Variants in CDH26 observed in about 807,000 individuals in gnomAD.
CDH26 encodes the protein cadherin 26.
In CDH26, 83 loss-of-function variants were observed where a neutral mutation model predicts 90.3. That is an observed-to-expected ratio of 0.92 (90% CI 0.77 to 1.10). The LOEUF (loss-of-function observed/expected upper bound fraction) is 1.10. Ranked by LOEUF, CDH26 falls within the 50% of genes least tolerant of loss-of-function variation. CDH26 has a pLI of 0.00. For synonymous variants in CDH26, 397 were observed against 396.3 expected (o/e 1.00, Z -0.02); for missense variants, 1,013 against 1,037.6 (o/e 0.98, Z 0.33).
Position 59,996,016 on chromosome 20 carries a change from C to G in CDH26, c.1850C>G (p.Ala617Gly). ...ADAEVGLHVG[A>G]LFPVCAAFVA... ...GCAGAAGTGGGGCTTCATGTGGGGG[C>G]CCTGTTCCCTGTCTGTGCAGCATTT... The change falls in exon 12 of 18, where the codon GCC becomes GGC. Residue 617 changes from alanine (A) to glycine (G), a missense_variant. Transcript: ENST00000348616. 6.2e-7 allele frequency: 1 copy of G among 1,613,872 alleles called. No individual in the cohort carries two copies. The highest frequency in any genetic ancestry group is 8.5e-7 in the Non-Finnish European group (1 of 1,180,036).
chr20:60,020,541 T>C (rs1396305548), intron 7 of CDH26, among the ~76,000 whole-genome samples: 1 of 152,196 alleles, frequency 6.6e-6, no homozygotes, highest in Non-Finnish European at 1.5e-5. Context: ...GGGCCTGGAA[T>C]CTACACAGCT....
At position 59,975,455 on chromosome 20, in the gene CDH26, C is replaced by G. The variant is rs554239963; in HGVS notation, c.393+3332C>G. ...CCCTGCTGACTCCTCCATTTCAGCT[C>G]TAGCCTACAGAGCTGTGAGAGAATA... On this transcript the variant is annotated intron_variant, in intron 4 of 17. Coordinates refer to ENST00000348616, the MANE Select transcript of CDH26 (RefSeq NM_177980.4). 3.9e-5 allele frequency among the ~76,000 whole-genome samples: 6 copies of G among 152,302 alleles called. No individual in the cohort carries two copies. In the South Asian group the frequency reaches 1.2e-3, roughly 32 times the overall value.
chr20:60,006,653 G>A, intron 16 of CDH26, 60 bp from the exon 17 acceptor site: 2 of 1,235,290 alleles, frequency 1.6e-6, no homozygotes, highest in South Asian at 1.2e-5. Flanking sequence ...TGACACACAG[G>A]GGTTGGGGGG....
rs959256896 is a variant in CDH26, at chr20:60,030,234, C to G, written c.948-997C>G. Among the ~76,000 whole-genome samples, 1 of 152,136 alleles carries G rather than the reference C, an allele frequency of 6.6e-6. No individual in the cohort carries two copies. Among genetic ancestry groups the G allele is most frequent in the African/African-American group, 2.4e-5 (1 of 41,430 alleles). ...TGACTTCCCCAGTCTGGGCCTGTGT[C>G]TATTTGAAAAATTGAGGATTCATTT... On this transcript the variant is annotated intron_variant, in intron 7 of 8. Coordinates refer to the CDH26 transcript ENST00000370991. The surrounding 1 kb of genome is among the most constrained non-coding windows in gnomAD (Gnocchi z 4.0).
At chr20:60,018,631 A>G (rs1471865908), downstream of CDH26, among the ~76,000 whole-genome samples, 1 of 132,006 alleles carries the variant, frequency 7.6e-6, no homozygotes, top group Non-Finnish European at 1.6e-5. Context: ...TACTCCTGTC[A>G]TTTTATTGAT....
intron 15 of CDH26, chr20:60,001,737 C>A: frequency 1.6e-6 from 1 of 614,192 alleles, no homozygotes; most frequent in Non-Finnish European, 2.0e-6. Flanking sequence ...AAAAGCACAG[C>A]ACTTTGGCCC....
chr20:59,968,000 TTTCTTTC>T (rs2061195648), intron 1 of CDH26, among the ~76,000 whole-genome samples: 1 of 137,428 alleles, frequency 7.3e-6, no homozygotes, highest in Admixed American at 7.6e-5. Context: ...TCTTTCTTTC[TTTCTTTC>T]TTTCTTCCTT....
rs879634051 is a variant in CDH26 at position 59,958,519 on chromosome 20, A to G, written c.-208A>G. The G allele has an allele frequency of 1.1e-5, 7 of 611,492 alleles. No individual in the cohort carries two copies. The highest frequency in any genetic ancestry group is 2.7e-5 in the East Asian group (1 of 36,400). 37.9% of individuals were successfully genotyped at this position (611,492 alleles called of 1,614,324 possible). ...TTGTGGCAAACGTATGTTCAAGCTT[A>G]CAAGTCAGCCCACCCCACTCTGATA... On this transcript the variant is annotated 5_prime_UTR_variant, in exon 1 of 18. Transcript: ENST00000348616.
intron 1 of CDH26, among the ~76,000 whole-genome samples, chr20:59,967,740 T>C (rs2061168181): frequency 2.7e-5 from 4 of 149,598 alleles, no homozygotes; most frequent in African/African-American, 1.0e-4. Context: ...TTTCTTTCCT[T>C]CCTCCCTTCC....
At chr20:59,962,234 A>T (rs917206150) in intron 1 of CDH26, among the ~76,000 whole-genome samples, 1 of 152,224 alleles carries the variant, frequency 6.6e-6, no homozygotes, top group Non-Finnish European at 1.5e-5. Context: ...TGTGTTAGGA[A>T]CATATATTAG....
chr20:59,996,077 C>T (rs1404251725), intron 12 of CDH26, 23 bp downstream of exon 12: 1 of 1,602,506 alleles, frequency 6.2e-7, no homozygotes, highest in Non-Finnish European at 8.5e-7. Context: ...TAGGGGTGTC[C>T]TGGGACTGTG....
At chr20:59,972,209 A>G (rs1008613189) in intron 4 of CDH26, 86 bp downstream of exon 4, 1 of 1,282,024 alleles carries the variant, frequency 7.8e-7, no homozygotes, top group Non-Finnish European at 1.1e-6. Flanking sequence ...TAAGCTGACT[A>G]TGTGCCAGGT....
At chr20:59,990,088 G>A (rs1569042433) in intron 9 of CDH26, among the ~76,000 whole-genome samples, 1 of 152,106 alleles carries the variant, frequency 6.6e-6, no homozygotes, top group Non-Finnish European at 1.5e-5. Context: ...GATGACTCCA[G>A]GTCATCAAAG....
At chr20:59,973,534 C>A (rs947707380) in intron 4 of CDH26, among the ~76,000 whole-genome samples, 1 of 152,044 alleles carries the variant, frequency 6.6e-6, no homozygotes, top group African/African-American at 2.4e-5. Flanking sequence ...TTTTCCTGAT[C>A]CTCTCCCTCC....
At chr20:59,973,709 G>T (rs192918285) in intron 4 of CDH26, among the ~76,000 whole-genome samples, 1 of 152,302 alleles carries the variant, frequency 6.6e-6, no homozygotes, top group East Asian at 1.9e-4. Flanking sequence ...CCATGTTCCT[G>T]CAAAGGACAT....
At position 59,972,094 on chromosome 20, in the gene CDH26, G is replaced by A; in HGVS notation, c.364G>A (p.Val122Ile). ...ENGRIYVHRP[V>I]DREMTPSFTV... ...CGGAAGGATATATGTTCACCGCCCT[G>A]TCGATCGAGAAATGACACCATCTTT... Residue 122 changes from valine (V) to isoleucine (I), a missense_variant, in exon 4 of 18, where the codon GTC (valine) becomes ATC (isoleucine). By Grantham distance (29) the Val-to-Ile change is conservative. Coordinates refer to ENST00000348616, the MANE Select transcript of CDH26 (RefSeq NM_177980.4). 1 of 1,613,810 alleles carries A rather than the reference G, an allele frequency of 6.2e-7. No homozygotes were observed. The highest frequency in any genetic ancestry group is 8.5e-7 in the Non-Finnish European group (1 of 1,179,928).
intron 1 of CDH26, among the ~76,000 whole-genome samples, chr20:59,967,909 CT>C (rs1463816135): frequency 3.9e-3 from 389 of 99,010 alleles, no homozygotes; most frequent in African/African-American, 7.8e-3. Context: ...TCCTTCCTTC[CT>C]TTCCTTTCCT....
chr20:59,988,256 G>T (rs1332421255), intron 8 of CDH26, among the ~76,000 whole-genome samples: 3 of 152,198 alleles, frequency 2.0e-5, no homozygotes, highest in Non-Finnish European at 4.4e-5. Context: ...TCTGACCCCA[G>T]TGCCTCTAGT....
chr20:60,005,535 G>A (rs2061737240), intron 16 of CDH26, among the ~76,000 whole-genome samples: 1 of 151,908 alleles, frequency 6.6e-6, no homozygotes. Flanking sequence ...TAGCCTCATG[G>A]ACATACATAA....
Sources: gnomAD v4.1 joint callset for allele counts (sites outside exome capture counted in the v4.1 genomes callset) on GRCh38, gnomAD v4.1.1 for gene constraint, Gnocchi (gnomAD v3.1) non-coding constraint, MANE v1.5 for transcripts, NCBI Gene and HGNC (gene_info 2026-07-23, HGNC 2026-07-21) for gene names.